The following MACROD2 variants were observed in gnomAD, a reference collection of about 807,000 sequenced individuals.
MACROD2 encodes the protein mono-ADP ribosylhydrolase 2.
MACROD2 carries 36 observed loss-of-function variants against 70.4 expected under a neutral mutation model. The ratio of observed to expected loss-of-function variants is 0.51; its 90% CI spans 0.39 to 0.68. The LOEUF is 0.68. MACROD2 is among the 30% of genes least tolerant of loss of function. The pLI is 0.00. For missense variants in MACROD2, 496 were observed against 538.4 expected (o/e 0.92, Z 0.78); for synonymous variants, 172 against 178.8 (o/e 0.96, Z 0.30).
At chr20:14,229,849 T>C (rs1483898453) in intron 3 of MACROD2, among the ~76,000 whole-genome samples, 1 of 152,150 alleles carries the variant, frequency 6.6e-6, no homozygotes, top group Non-Finnish European at 1.5e-5. Context: ...TACACAGATA[T>C]AATGGAATAC....
intron 6 of MACROD2, among the ~76,000 whole-genome samples, chr20:15,370,440 T>C (rs2045476189): frequency 6.6e-6 from 1 of 152,206 alleles, no homozygotes; most frequent in South Asian, 2.1e-4. Flanking sequence ...GGTGAGCTGA[T>C]TGAGAGGTAA....
chr20:15,986,320 A>G (rs535988285), intron 13 of MACROD2, among the ~76,000 whole-genome samples: 2 of 152,346 alleles, frequency 1.3e-5, no homozygotes, highest in East Asian at 3.9e-4. Context: ...GAAAAATGAA[A>G]GTGCAAGTAG....
At chr20:14,449,269 T>A (rs1258304935) in intron 3 of MACROD2, among the ~76,000 whole-genome samples, 1 of 152,174 alleles carries the variant, frequency 6.6e-6, no homozygotes, top group Non-Finnish European at 1.5e-5. Flanking sequence ...GATGGTTCTT[T>A]GTAGACTTAC....
At chr20:15,854,225 A>G (rs1453319423) in intron 8 of MACROD2, among the ~76,000 whole-genome samples, 1 of 152,044 alleles carries the variant, frequency 6.6e-6, no homozygotes, top group African/African-American at 2.4e-5. Flanking sequence ...GTGGGCTTTT[A>G]GAAGGAACGT....
intron 15 of MACROD2, among the ~76,000 whole-genome samples, chr20:16,004,981 GC>G (rs1196046347): frequency 1.3e-5 from 2 of 152,190 alleles, no homozygotes; most frequent in East Asian, 3.8e-4. Context: ...GTCCGCCTTG[GC>G]CTATTCTTGA....
chr20:16,005,119 C>T (rs554039466), intron 15 of MACROD2, among the ~76,000 whole-genome samples: 47 of 152,166 alleles, frequency 3.1e-4, no homozygotes, highest in African/African-American at 1.1e-3. Flanking sequence ...GACATAGAAA[C>T]AAGAAGGAGT....
intron 5 of MACROD2, among the ~76,000 whole-genome samples, chr20:15,058,355 G>T (rs554257725): frequency 1.2e-4 from 18 of 152,252 alleles, no homozygotes; most frequent in Admixed American, 2.6e-4. Context: ...GACCTGGGGG[G>T]TTGTGTTCTA....
intron 6 of MACROD2, among the ~76,000 whole-genome samples, chr20:15,407,115 C>T (rs943935644): frequency 6.6e-6 from 1 of 152,188 alleles, no homozygotes; most frequent in Non-Finnish European, 1.5e-5. Context: ...GGTACCTTCC[C>T]GTTGCCCTTC....
intron 5 of MACROD2, among the ~76,000 whole-genome samples, chr20:15,074,452 C>G (rs1206088232): frequency 6.6e-6 from 1 of 152,188 alleles, no homozygotes; most frequent in Non-Finnish European, 1.5e-5. Context: ...CTTATTCATT[C>G]CTTATCCGTA....
At chr20:15,987,299 G>A (rs531195583) in intron 15 of MACROD2, 141 bp downstream of exon 15, 67 of 672,092 alleles carry the variant, frequency 1.0e-4, no homozygotes, top group Admixed American at 3.9e-4. Context: ...CCAAATCTCC[G>A]TTTGAAAGTA....
intron 5 of MACROD2, among the ~76,000 whole-genome samples, chr20:14,702,073 A>T (rs143415370): frequency 5.0e-4 from 76 of 152,284 alleles, no homozygotes; most frequent in African/African-American, 1.8e-3. Flanking sequence ...TTGCTTATAT[A>T]TAAATTCATC....
At chr20:14,595,925 A>G (rs1365539490) in intron 4 of MACROD2, among the ~76,000 whole-genome samples, 1 of 152,152 alleles carries the variant, frequency 6.6e-6, no homozygotes, top group Non-Finnish European at 1.5e-5. Context: ...ATAACGAGGA[A>G]CATTCCTATA....
intron 5 of MACROD2, among the ~76,000 whole-genome samples, chr20:14,822,127 C>G (rs2072852502): frequency 6.6e-6 from 1 of 152,062 alleles, no homozygotes; most frequent in African/African-American, 2.4e-5. Context: ...AGTGCATTTT[C>G]TAGCATCTTG....
At chr20:15,504,441 A>G (rs2047400970) in intron 8 of MACROD2, among the ~76,000 whole-genome samples, 1 of 152,198 alleles carries the variant, frequency 6.6e-6, no homozygotes, top group Non-Finnish European at 1.5e-5. Context: ...GAACTGAAAA[A>G]CATGATGACT....
At chr20:14,807,452 G>C (rs2072653349) in intron 5 of MACROD2, among the ~76,000 whole-genome samples, 1 of 152,040 alleles carries the variant, frequency 6.6e-6, no homozygotes, top group African/African-American at 2.4e-5. Context: ...CAACAGCAAA[G>C]GCCAAAGGTA....
intron 5 of MACROD2, chr20:14,757,844 C>T (rs965702645): frequency 1.6e-5 from 25 of 1,520,360 alleles, no homozygotes; most frequent in Middle Eastern, 2.3e-4. Flanking sequence ...CACTCTATGC[C>T]GTAGCCGTCC....
chr20:15,970,276 A>C (rs972967340), intron 13 of MACROD2, among the ~76,000 whole-genome samples: 1 of 152,192 alleles, frequency 6.6e-6, no homozygotes, highest in African/African-American at 2.4e-5. Flanking sequence ...AATTAAGGGC[A>C]AGGTAAATGG....
chr20:14,342,770 C>A (rs899702073), intron 3 of MACROD2, among the ~76,000 whole-genome samples: 1 of 152,122 alleles, frequency 6.6e-6, no homozygotes, highest in Admixed American at 6.5e-5. Flanking sequence ...AATCACATAA[C>A]CCTTTTAACT....
At chr20:14,278,451 G>T (rs1219358285) in intron 3 of MACROD2, among the ~76,000 whole-genome samples, 1 of 152,108 alleles carries the variant, frequency 6.6e-6, no homozygotes, top group Non-Finnish European at 1.5e-5. Context: ...GCTGTGAGTA[G>T]CCTATAAATA....
Sources: allele counts gnomAD v4.1 joint callset (sites outside exome capture counted in the v4.1 genomes callset), GRCh38; gene constraint gnomAD v4.1.1; transcripts MANE v1.5; gene names NCBI Gene and HGNC (gene_info 2026-07-23, HGNC 2026-07-21).